ZNF493: variants seen among roughly 807,000 people sequenced by gnomAD.
The protein encoded by ZNF493 is zinc finger protein 493.
In ZNF493, 11 loss-of-function variants were observed where a neutral mutation model predicts 12.2. The ratio of observed to expected loss-of-function variants is 0.90; its 90% CI spans 0.57 to 1.50. The LOEUF (loss-of-function observed/expected upper bound fraction) is 1.50. Among genes scored for constraint, ZNF493 ranks in the 40% most tolerant of loss-of-function variants. The pLI is 0.00. For missense variants in ZNF493, 950 were observed against 906.6 expected, an observed-to-expected ratio of 1.05 and a Z score of -0.61; for synonymous variants, 286 against 302.6, an observed-to-expected ratio of 0.95 and a Z score of 0.57.
chr19:21,405,754 A>G lies in ZNF493; in HGVS notation c.158-7A>G. ...AAGATTCATGTTATTTATTTTTAAT[A>G]AAGCAGGTATTGCTGTCTCTAAGCC... On this transcript the variant is annotated splice_region_variant and splice_polypyrimidine_tract_variant and intron_variant, in intron 2 of 3. Coordinates refer to ENST00000392288, the MANE Select transcript of ZNF493 (RefSeq NM_001076678.3). 11 of 1,608,136 alleles carry G rather than the reference A, an allele frequency of 6.8e-6. No individual in the cohort carries two copies. The highest frequency in any genetic ancestry group is 9.4e-6 in the Non-Finnish European group (11 of 1,176,466).
At chr19:21,420,290 TTTTTA>T (rs2030616821) in intron 3 of ZNF493, among the ~76,000 whole-genome samples, 1 of 152,050 alleles carries the variant, frequency 6.6e-6, no homozygotes, top group African/African-American at 2.4e-5. Context: ...GTCTTCTTTA[TTTTTA>T]TTTTATATGC....
At chr19:21,407,835 A>T (rs2030184461) in intron 3 of ZNF493, 4 of 985,350 alleles carry the variant, frequency 4.1e-6, no homozygotes, top group Non-Finnish European at 4.8e-6. Flanking sequence ...ATTCTGCCAC[A>T]TGCTTCCAGT....
chr19:21,425,246 A>T lies in ZNF493; in HGVS notation c.*262A>T. The T allele has an allele frequency of 3.9e-6, 2 of 517,098 alleles. No individual in the cohort carries two copies. Among genetic ancestry groups the T allele is most frequent in the South Asian group, 2.2e-5 (1 of 46,268 alleles). 32.0% of individuals were successfully genotyped at this position (517,098 alleles called of 1,614,324 possible). On this transcript the variant is annotated 3_prime_UTR_variant, in exon 4 of 4. Coordinates refer to ENST00000392288, the MANE Select transcript of ZNF493 (RefSeq NM_001076678.3). ...TCTCATCCCTTACTAAACATAAGAGAATTCATACCATAGAGAAATCCTACA... is the reference window on the plus strand; with the variant it reads ...TCTCATCCCTTACTAAACATAAGAGTATTCATACCATAGAGAAATCCTACA...
rs771634148 is a variant in ZNF493 at position 21,405,402 on chromosome 19, G to A, written c.157+147G>A. ...GAAATCTTGAAGAACTGTCCGTGTG[G>A]AAAAAAATTTCTTCAGGATGTTTTA... On this transcript the variant is annotated intron_variant, in intron 2 of 3. Coordinates refer to ENST00000392288, the MANE Select transcript of ZNF493 (RefSeq NM_001076678.3). 305 of 1,458,304 alleles carry A rather than the reference G, an allele frequency of 2.1e-4. 1 individual carries two copies. Among genetic ancestry groups the A allele is most frequent in the Middle Eastern group, 9.3e-4 (5 of 5,384 alleles). 90.3% of individuals were successfully genotyped at this position (1,458,304 alleles called of 1,614,324 possible).
At chr19:21,414,864 ATTAG>A (rs959355854) in intron 3 of ZNF493, among the ~76,000 whole-genome samples, 1 of 152,242 alleles carries the variant, frequency 6.6e-6, no homozygotes, top group African/African-American at 2.4e-5. Flanking sequence ...GGAGAATCCA[ATTAG>A]TTAATTTCAA....
At position 21,397,197 on chromosome 19, in the gene ZNF493, T is replaced by A. The variant is rs756647668; in HGVS notation, c.-41T>A. 5 of 1,613,528 alleles carry A rather than the reference T, an allele frequency of 3.1e-6. No homozygotes were observed. The highest frequency in any genetic ancestry group is 4.2e-6 in the Non-Finnish European group (5 of 1,179,530). ...CACTGCTCTGTGTCCTCAGCGTGTG[T>A]GGCTTCGTGACCTGAAGATACTGGG... On this transcript the variant is annotated 5_prime_UTR_variant, in exon 1 of 4. Transcript: ENST00000392288.
chr19:21,413,561 G>C, intron 3 of ZNF493: 1 of 405,366 alleles, frequency 2.5e-6, no homozygotes, highest in Non-Finnish European at 4.3e-6. Context: ...GTTGTCCTCA[G>C]CATCAATCTT....
intron 1 of ZNF493, among the ~76,000 whole-genome samples, chr19:21,404,417 T>C (rs910911391): frequency 4.6e-5 from 7 of 152,344 alleles, no homozygotes; most frequent in African/African-American, 1.7e-4. Flanking sequence ...TTTATTTCAC[T>C]ATAGAGTTAA....
At chr19:21,415,590 T>G (rs540596601) in intron 3 of ZNF493, among the ~76,000 whole-genome samples, 26 of 152,260 alleles carry the variant, frequency 1.7e-4, no homozygotes, top group Non-Finnish European at 2.2e-4. Flanking sequence ...GTAATATTTC[T>G]CAAGTGGCGG....
At chr19:21,410,112 A>G (rs1390940371) in intron 3 of ZNF493, among the ~76,000 whole-genome samples, 4 of 148,878 alleles carry the variant, frequency 2.7e-5, no homozygotes, top group African/African-American at 7.4e-5. Flanking sequence ...TGATGTGTTT[A>G]TAAATCAAGA....
rs1206465088 is a variant in ZNF493, at chr19:21,424,299, G to T, written c.1640G>T (p.Cys547Phe). 2 of 1,613,482 alleles carry T rather than the reference G, an allele frequency of 1.2e-6. No individual in the cohort carries two copies. Among genetic ancestry groups the T allele is most frequent in the East Asian group, 2.2e-5 (1 of 44,848 alleles). Reference protein sequence around the residue: ...MIHTGEKPYKCEECGKAFNRS... With the variant: ...MIHTGEKPYKFEECGKAFNRS... The stretch of plus-strand genomic sequence containing the variant: ...CACACTGGAGAAAAACCCTACAAAT[G>T]TGAAGAATGTGGCAAAGCTTTTAAT... The change falls in exon 4 of 4, where the codon TGT becomes TTT. Residue 547 changes from cysteine to phenylalanine, a missense_variant. By Grantham distance (205) the Cys-to-Phe change is radical. Transcript: ENST00000392288.
intron 3 of ZNF493, 98 bp from the exon 4 acceptor site, chr19:21,422,815 T>A (rs1466687339): frequency 3.7e-6 from 4 of 1,080,906 alleles, no homozygotes; most frequent in Non-Finnish European, 5.1e-6. Flanking sequence ...CTATGCTATC[T>A]GGTTTATGCA....
intron 3 of ZNF493, among the ~76,000 whole-genome samples, chr19:21,406,312 CAA>C (rs1261421307): frequency 1.1e-4 from 17 of 151,314 alleles, no homozygotes; most frequent in Non-Finnish European, 2.2e-4. Flanking sequence ...TGTTCCAAAG[CAA>C]AGAGTTTCTC....
intron 1 of ZNF493, among the ~76,000 whole-genome samples, chr19:21,403,632 A>G (rs1206818667): frequency 6.6e-6 from 1 of 152,186 alleles, no homozygotes; most frequent in Non-Finnish European, 1.5e-5. Context: ...AAGGATTTCC[A>G]AAGAAGGCAA....
intron 3 of ZNF493, among the ~76,000 whole-genome samples, chr19:21,420,686 T>C (rs1337311085): frequency 7.6e-6 from 1 of 131,632 alleles, no homozygotes; most frequent in African/African-American, 2.8e-5. Flanking sequence ...ACAATATCCT[T>C]CTGGCCTGCA....
At chr19:21,412,930 C>T (rs2650810) in intron 3 of ZNF493, 317,841 of 433,244 alleles carry the variant, frequency 0.73, 116,587 homozygotes, top group Middle Eastern at 0.76. Flanking sequence ...CATTTGAGGT[C>T]GAGGTGCCAC....
Position 21,424,963 on chromosome 19 carries a change from T to A in ZNF493, c.2304T>A (p.Thr768=), listed in dbSNP as rs181198606. The stretch of plus-strand genomic sequence containing the variant: ...AGATAATTCATATTGGAATTCATAC[T>A]GAAGAGACTGTACAAAAGTGAAGAA... ...RHKIIHIGIH[T]EETVQK The change falls in exon 4 of 4, where the codon ACT becomes ACA. Residue 768 remains threonine (T), a synonymous_variant. Coordinates refer to ENST00000392288, the MANE Select transcript of ZNF493 (RefSeq NM_001076678.3). 3 of 1,593,688 alleles carry A rather than the reference T, an allele frequency of 1.9e-6. No individual in the cohort carries two copies.
chr19:21,426,893 T>C lies in ZNF493; in HGVS notation c.*1909T>C, dbSNP rs1035939870. 3.6e-5 allele frequency: 6 copies of C among 167,016 alleles called. No individual in the cohort carries two copies. The highest frequency in any genetic ancestry group is 8.8e-5 in the Non-Finnish European group (6 of 68,078). The allele number at this position is 167,016 out of a possible 1,614,324, so 10.3% of individuals were successfully genotyped here. A position where few individuals can be genotyped will look rare whatever the true frequency, so the allele number is the denominator to read the frequency against. On this transcript the variant is annotated 3_prime_UTR_variant, in exon 4 of 4. Coordinates refer to ENST00000392288, the MANE Select transcript of ZNF493 (RefSeq NM_001076678.3). Reference sequence around the variant, plus strand: ...AGTTGGTAGAAAAATTATTTGTATATAATGTTAAGAGGAGTAAAAGATTTT... The same window carrying C: ...AGTTGGTAGAAAAATTATTTGTATACAATGTTAAGAGGAGTAAAAGATTTT...
chr19:21,418,517 A>G (rs2030560549), intron 3 of ZNF493, among the ~76,000 whole-genome samples: 1 of 152,098 alleles, frequency 6.6e-6, no homozygotes, highest in South Asian at 2.1e-4. Flanking sequence ...TCGAGCCCCC[A>G]TGATGGACGC....
Sources: allele counts gnomAD v4.1 joint callset (sites outside exome capture counted in the v4.1 genomes callset), GRCh38; gene constraint gnomAD v4.1.1; transcripts MANE v1.5; gene names NCBI Gene and HGNC (gene_info 2026-07-23, HGNC 2026-07-21).